The following NRXN1 variants were observed in gnomAD, a reference collection of about 807,000 sequenced individuals.
The protein encoded by NRXN1 is neurexin-1.
In NRXN1, 39 loss-of-function variants were observed where a neutral mutation model predicts 150.9. That is an observed-to-expected ratio of 0.26 (90% confidence interval 0.20 to 0.34). NRXN1 has a LOEUF of 0.34. Ranked by LOEUF, NRXN1 falls within the 10% of genes least tolerant of loss-of-function variation. The pLI, the probability that NRXN1 is intolerant of heterozygous loss-of-function variation, is 1.00. For synonymous variants in NRXN1, 924 were observed against 757.0 expected, an observed-to-expected ratio of 1.22 and a Z score of -3.62; for missense variants, 1,815 against 1,949.9, an observed-to-expected ratio of 0.93 and a Z score of 1.30.
At chr2:50,221,000 G>A (rs553969367) in intron 18 of NRXN1, among the ~76,000 whole-genome samples, 26 of 152,058 alleles carry the variant, frequency 1.7e-4, no homozygotes, top group African/African-American at 4.6e-4. Context: ...TGCTAATCTC[G>A]TGTTATCAAT....
In NRXN1 at chr2:50,259,574, GC is replaced by G. The variant is rs140389421; in HGVS notation, c.3365-22605del. Among the ~76,000 whole-genome samples the G allele has an allele frequency of 3.8e-3, 582 of 151,820 alleles. 42 individuals carry two copies. The East Asian group carries it at 0.092, about 24-fold the overall frequency. On this transcript the variant is annotated intron_variant, in intron 17 of 22. Coordinates refer to ENST00000401669, the MANE Select transcript of NRXN1 (RefSeq NM_001330078.2). ...GAAGACATCTTCAAATGAAAACTCT[GC>G]CCTCTTTTGTAGATTTTTGCCAAAC...
intron 15 of NRXN1, among the ~76,000 whole-genome samples, chr2:50,494,899 C>T (rs995958507): frequency 2.0e-5 from 3 of 151,804 alleles, no homozygotes; most frequent in Non-Finnish European, 4.4e-5. Flanking sequence ...GGCGTGGTGG[C>T]GGGTGCCTGT....
intron 17 of NRXN1, among the ~76,000 whole-genome samples, chr2:50,316,979 A>G (rs766689766): frequency 6.6e-6 from 1 of 152,032 alleles, no homozygotes; most frequent in Non-Finnish European, 1.5e-5. Context: ...ATACCAAAAG[A>G]AAAAATAATA....
intron 17 of NRXN1, among the ~76,000 whole-genome samples, chr2:50,319,328 G>T (rs528219954): frequency 6.6e-6 from 1 of 152,088 alleles, no homozygotes; most frequent in Non-Finnish European, 1.5e-5. Flanking sequence ...TTCATAAAAC[G>T]TAGCATAAAG....
intron 21 of NRXN1, among the ~76,000 whole-genome samples, chr2:50,021,607 C>G (rs1343670586): frequency 1.8e-4 from 28 of 152,142 alleles, no homozygotes; most frequent in Admixed American, 1.8e-3. Context: ...ATTAGCCATA[C>G]TTACAAGAGA....
intron 5 of NRXN1, among the ~76,000 whole-genome samples, chr2:50,699,794 C>T (rs1693467553): frequency 1.3e-5 from 2 of 152,048 alleles, no homozygotes; most frequent in Non-Finnish European, 2.9e-5. Flanking sequence ...TTCTGACCTA[C>T]AGAAGTGTGA....
intron 5 of NRXN1, among the ~76,000 whole-genome samples, chr2:50,774,363 G>A (rs963222024): frequency 3.3e-5 from 5 of 151,972 alleles, no homozygotes; most frequent in African/African-American, 4.8e-5. Flanking sequence ...TTGATTTGAG[G>A]GCATTTAGTA....
intron 5 of NRXN1, among the ~76,000 whole-genome samples, chr2:50,866,104 G>A (rs1161600197): frequency 6.6e-6 from 1 of 151,718 alleles, no homozygotes; most frequent in Non-Finnish European, 1.5e-5. Context: ...TGTTTCTACG[G>A]AATTAGATTA....
intron 21 of NRXN1, among the ~76,000 whole-genome samples, chr2:49,952,802 G>GT (rs933638450): frequency 5.3e-5 from 8 of 152,052 alleles, no homozygotes; most frequent in African/African-American, 1.9e-4. Context: ...TCTTCACAAT[G>GT]TAAGTGCCAA....
chr2:50,280,724 A>C lies in NRXN1; in HGVS notation c.3365-43754T>G, dbSNP rs1379900252. On this transcript the variant is annotated intron_variant, in intron 17 of 22. Coordinates refer to ENST00000401669, the MANE Select transcript of NRXN1 (RefSeq NM_001330078.2). ...ATGATTCAGGCTCTGACGGCGCTCTAATTGATAGCTTGGGATCTCCCTCCC... is the reference window on the plus strand; with the variant it reads ...ATGATTCAGGCTCTGACGGCGCTCTCATTGATAGCTTGGGATCTCCCTCCC... 2.0e-5 allele frequency among the ~76,000 whole-genome samples: 3 copies of C among 152,160 alleles called. No homozygotes were observed. The South Asian group carries it at 6.2e-4, about 32-fold the overall frequency.
At chr2:50,169,619 A>G (rs1010116830) in intron 18 of NRXN1, among the ~76,000 whole-genome samples, 81 of 151,410 alleles carry the variant, frequency 5.3e-4, no homozygotes, top group African/African-American at 1.9e-3. Context: ...AGGCTGAGGA[A>G]GGAGAATTGC....
intron 5 of NRXN1, among the ~76,000 whole-genome samples, chr2:50,849,159 C>T (rs1276701143): frequency 7.5e-6 from 1 of 132,638 alleles, no homozygotes; most frequent in African/African-American, 2.5e-5. Context: ...TCCTGAACTA[C>T]GTAACTCGGA....
chr2:50,033,074 T>A (rs1689426927), intron 21 of NRXN1, among the ~76,000 whole-genome samples: 2 of 151,896 alleles, frequency 1.3e-5, no homozygotes, highest in South Asian at 4.1e-4. Context: ...TATGTTATAT[T>A]TGTCTCTATT....
chr2:50,128,963 A>G (rs1013235046), intron 18 of NRXN1, among the ~76,000 whole-genome samples: 66 of 151,108 alleles, frequency 4.4e-4, no homozygotes, highest in Admixed American at 1.9e-3. Context: ...ATCATGAGCG[A>G]CAAGAGTGAG....
chr2:50,819,556 T>C (rs951693634), intron 5 of NRXN1, among the ~76,000 whole-genome samples: 3 of 151,976 alleles, frequency 2.0e-5, no homozygotes, highest in Non-Finnish European at 4.4e-5. Flanking sequence ...TGCTGTTCAA[T>C]GGGTAGAGAG....
intron 8 of NRXN1, among the ~76,000 whole-genome samples, chr2:50,558,614 T>G (rs1409660584): frequency 2.0e-5 from 3 of 152,214 alleles, no homozygotes; most frequent in Non-Finnish European, 1.5e-5. Flanking sequence ...AAGATGATAT[T>G]GTAGTTTTTC....
intron 5 of NRXN1, among the ~76,000 whole-genome samples, chr2:50,635,956 A>T (rs1016604612): frequency 2.0e-5 from 3 of 152,218 alleles, no homozygotes; most frequent in African/African-American, 7.2e-5. Flanking sequence ...TATGGTGGAC[A>T]ATCAATTAAT....
chr2:50,955,027 G>C (rs1038828032), intron 2 of NRXN1, among the ~76,000 whole-genome samples: 1 of 152,110 alleles, frequency 6.6e-6, no homozygotes, highest in East Asian at 1.9e-4. Flanking sequence ...ATAAAAAAAG[G>C]GAAAGAAGCA....
At chr2:50,709,913 C>A (rs2105032340) in intron 5 of NRXN1, among the ~76,000 whole-genome samples, 1 of 152,254 alleles carries the variant, frequency 6.6e-6, no homozygotes, top group African/African-American at 2.4e-5. Flanking sequence ...CCTTTATTGG[C>A]CCAGTTCCCC....
Sources: gnomAD v4.1 joint callset for allele counts (sites outside exome capture counted in the v4.1 genomes callset) on GRCh38, gnomAD v4.1.1 for gene constraint, MANE v1.5 for transcripts, NCBI Gene and HGNC (gene_info 2026-07-23, HGNC 2026-07-21) for gene names.